Variants in NUSAP1 observed in about 807,000 individuals in gnomAD.
NUSAP1 encodes the protein nucleolar and spindle associated protein 1.
In NUSAP1, 32 loss-of-function variants were observed where a neutral mutation model predicts 52.8. That is an observed-to-expected ratio of 0.61 (90% confidence interval 0.46 to 0.81). The LOEUF (loss-of-function observed/expected upper bound fraction) is 0.81, where lower values mean the gene tolerates loss of function less well. Among genes scored for constraint, NUSAP1 ranks in the 40% least tolerant of loss-of-function variants. The pLI is 0.00. For missense variants in NUSAP1, 499 were observed against 522.3 expected (o/e 0.96, Z 0.43); for synonymous variants, 195 against 183.1 (o/e 1.06, Z -0.52).
At chr15:41,378,757 C>CA (rs2050079453) in intron 10 of NUSAP1, among the ~76,000 whole-genome samples, 2 of 151,542 alleles carry the variant, frequency 1.3e-5, no homozygotes, top group Non-Finnish European at 2.9e-5. Context: ...GCAACAAGAG[C>CA]AAAACTCCGT....
At chr15:41,361,873 A>G (rs1237946608) in intron 6 of NUSAP1, among the ~76,000 whole-genome samples, 1 of 152,146 alleles carries the variant, frequency 6.6e-6, no homozygotes, top group East Asian at 1.9e-4. Flanking sequence ...AATTACAATA[A>G]CTTCACCATA....
At chr15:41,335,279 T>TA (rs1188467257) in intron 1 of NUSAP1, among the ~76,000 whole-genome samples, 8 of 143,422 alleles carry the variant, frequency 5.6e-5, no homozygotes, top group Middle Eastern at 4.5e-3. Context: ...ACTATATATA[T>TA]TATTACTAGT....
At chr15:41,335,606 ATACT>A (rs1276510232) in intron 1 of NUSAP1, among the ~76,000 whole-genome samples, 1 of 138,756 alleles carries the variant, frequency 7.2e-6, no homozygotes, top group Non-Finnish European at 1.5e-5. Context: ...TATAAATACT[ATACT>A]TAATATACTA....
At chr15:41,365,698 A>G (rs977258563) in intron 7 of NUSAP1, 109 bp downstream of exon 7, 2 of 664,732 alleles carry the variant, frequency 3.0e-6, no homozygotes, top group Non-Finnish European at 4.6e-6. Context: ...TAGGGTACAT[A>G]GTGATGTTTC....
intron 7 of NUSAP1, among the ~76,000 whole-genome samples, chr15:41,366,045 T>C (rs1254027053): frequency 1.3e-5 from 2 of 151,864 alleles, no homozygotes; most frequent in Admixed American, 1.3e-4. Context: ...ATACATATAT[T>C]GTATTGTAGT....
At chr15:41,366,445 G>A (rs543278596) in intron 7 of NUSAP1, among the ~76,000 whole-genome samples, 35 of 151,930 alleles carry the variant, frequency 2.3e-4, no homozygotes, top group Admixed American at 4.6e-4. Context: ...CACCACACCC[G>A]GCTAAGTTTT....
At chr15:41,360,861 CTTGG>C (rs1342231541) in intron 6 of NUSAP1, among the ~76,000 whole-genome samples, 4 of 143,034 alleles carry the variant, frequency 2.8e-5, no homozygotes, top group Non-Finnish European at 6.0e-5. Flanking sequence ...GTGGTGCGAT[CTTGG>C]CTCACTGCAA....
chr15:41,336,760 C>T (rs2048166188), intron 1 of NUSAP1, among the ~76,000 whole-genome samples: 1 of 147,158 alleles, frequency 6.8e-6, no homozygotes, highest in African/African-American at 2.7e-5. Context: ...CATCCTCCCA[C>T]CTCAGCCTCC....
intron 7 of NUSAP1, among the ~76,000 whole-genome samples, chr15:41,370,154 G>A (rs1293490404): frequency 6.6e-6 from 1 of 151,760 alleles, no homozygotes; most frequent in African/African-American, 2.4e-5. Flanking sequence ...GGCCGAGACG[G>A]GCGGATCATG....
At chr15:41,354,031 G>A (rs914083911) in intron 4 of NUSAP1, among the ~76,000 whole-genome samples, 10 of 151,980 alleles carry the variant, frequency 6.6e-5, no homozygotes, top group African/African-American at 2.4e-4. Context: ...ATGGTAAGTG[G>A]GAAAAAATAC....
chr15:41,336,655 T>TGTTTTTTTTGTTTG (rs748827154), intron 1 of NUSAP1, among the ~76,000 whole-genome samples: 1 of 141,190 alleles, frequency 7.1e-6, no homozygotes, highest in African/African-American at 2.7e-5. Context: ...TTGGTTTTTT[T>TGTTTTTTTTGTTTG]TTTTTTTTTT....
intron 6 of NUSAP1, among the ~76,000 whole-genome samples, chr15:41,364,935 CT>C (rs1180402511): frequency 1.3e-5 from 2 of 151,920 alleles, no homozygotes; most frequent in Non-Finnish European, 2.9e-5. Flanking sequence ...CTTGTAACTC[CT>C]TACTCAGCCT....
intron 3 of NUSAP1, among the ~76,000 whole-genome samples, chr15:41,350,599 C>G (rs574835071): frequency 5.9e-5 from 9 of 152,010 alleles, no homozygotes; most frequent in Non-Finnish European, 8.8e-5. Flanking sequence ...AAAACTTGTT[C>G]TTTTCTTTTT....
At chr15:41,345,484 A>C (rs1479263196) in intron 2 of NUSAP1, 3 of 396,294 alleles carry the variant, frequency 7.6e-6, no homozygotes, top group Non-Finnish European at 1.4e-5. Flanking sequence ...TTTTTTTCTG[A>C]GTTTCACTCT....
intron 5 of NUSAP1, 144 bp downstream of exon 5, chr15:41,356,284 T>TA (rs1490564104): frequency 1.5e-6 from 1 of 657,890 alleles, no homozygotes; most frequent in Non-Finnish European, 2.7e-6. Context: ...TTGGGGAACT[T>TA]ACTCATCCTC....
At chr15:41,375,368 G>C (rs1297205097) in intron 8 of NUSAP1, among the ~76,000 whole-genome samples, 1 of 151,936 alleles carries the variant, frequency 6.6e-6, no homozygotes, top group Non-Finnish European at 1.5e-5. Flanking sequence ...TAGAGATGGG[G>C]TTTCTCCGTG....
At chr15:41,336,648 G>GTGTTTTTTTTTTTTTTTTTT (rs1555426223) in intron 1 of NUSAP1, among the ~76,000 whole-genome samples, 2 of 91,372 alleles carry the variant, frequency 2.2e-5, no homozygotes, top group African/African-American at 8.0e-5. Context: ...CCTCCTTTTG[G>GTGTTTTTTTTTTTTTTTTTT]TTTTTTTTTT....
rs114392103 is a variant in NUSAP1, at chr15:41,371,308, A to C, written c.849-219A>C. On this transcript the variant is annotated intron_variant, in intron 7 of 10. Coordinates refer to ENST00000559596, the MANE Select transcript of NUSAP1 (RefSeq NM_016359.5). ...CCAAGGCAGGGAGAGCAGAAAAGAC[A>C]AGAACATATTTTACAAATAATGTTA... Among the ~76,000 whole-genome samples, 208 of 152,308 alleles carry C rather than the reference A, an allele frequency of 1.4e-3. 1 individual carries two copies. Among genetic ancestry groups the C allele is most frequent in the African/African-American group, 4.9e-3 (205 of 41,576 alleles).
intron 2 of NUSAP1, among the ~76,000 whole-genome samples, chr15:41,344,447 G>T (rs947093805): frequency 6.6e-6 from 1 of 151,488 alleles, no homozygotes; most frequent in Non-Finnish European, 1.5e-5. Flanking sequence ...GACCATCCTG[G>T]CTAACACGGT....
Sources: allele counts gnomAD v4.1 joint callset (sites outside exome capture counted in the v4.1 genomes callset), GRCh38; gene constraint gnomAD v4.1.1; transcripts MANE v1.5; gene names NCBI Gene and HGNC (gene_info 2026-07-23, HGNC 2026-07-21).